Variants in PRMT3 observed in about 807,000 individuals in gnomAD.
PRMT3 encodes protein arginine methyltransferase 3.
In PRMT3, 62 loss-of-function variants were observed where a neutral mutation model predicts 71.9. That is an observed-to-expected ratio of 0.86 (90% CI 0.70 to 1.07). The LOEUF is 1.07. Ranked by LOEUF, PRMT3 falls within the 50% of genes least tolerant of loss-of-function variation. The pLI is 0.00. For synonymous variants in PRMT3, 213 were observed against 220.4 expected, an observed-to-expected ratio of 0.97 and a Z score of 0.30; for missense variants, 663 against 643.0, an observed-to-expected ratio of 1.03 and a Z score of -0.34.
At chr11:20,393,354 G>A (rs1375277028) in intron 5 of PRMT3, among the ~76,000 whole-genome samples, 2 of 152,164 alleles carry the variant, frequency 1.3e-5, no homozygotes, top group Non-Finnish European at 1.5e-5. Context: ...GGTTGAGGCA[G>A]GAGAATCACT....
In PRMT3 at chr11:20,494,273, G is replaced by A; in HGVS notation, c.1486+19G>A. 1 of 1,509,040 alleles carries A rather than the reference G, an allele frequency of 6.6e-7. No homozygotes were observed. The highest frequency in any genetic ancestry group is 9.2e-7 in the Non-Finnish European group (1 of 1,088,212). 93.5% of individuals were successfully genotyped at this position (1,509,040 alleles called of 1,614,324 possible). A position where few individuals can be genotyped will look rare whatever the true frequency, so the allele number is the denominator to read the frequency against. ...AAAGCAGGTGAGAAAGAATAGTAGG[G>A]GGGAAGTATCTTATTCATTCTGAAG... On this transcript the variant is annotated intron_variant, in intron 15 of 15. Transcript: ENST00000331079.
At chr11:20,464,916 G>GAA (rs1850473111) in intron 13 of PRMT3, among the ~76,000 whole-genome samples, 1 of 152,034 alleles carries the variant, frequency 6.6e-6, no homozygotes, top group Admixed American at 6.6e-5. Flanking sequence ...TTATTTGGTA[G>GAA]AATATTTTAT....
At chr11:20,466,052 G>A (rs1410788913) in intron 13 of PRMT3, among the ~76,000 whole-genome samples, 1 of 152,176 alleles carries the variant, frequency 6.6e-6, no homozygotes. Context: ...TAGAGCAGAT[G>A]TAAAACTCTA....
intron 15 of PRMT3, among the ~76,000 whole-genome samples, chr11:20,495,434 G>C (rs1851310249): frequency 6.6e-6 from 1 of 152,112 alleles, no homozygotes; most frequent in South Asian, 2.1e-4. Context: ...GCTGAGGCAG[G>C]AGGCTTGCTT....
At chr11:20,398,166 T>G (rs1032109431) in intron 7 of PRMT3, among the ~76,000 whole-genome samples, 30 of 152,054 alleles carry the variant, frequency 2.0e-4, no homozygotes, top group African/African-American at 6.8e-4. Flanking sequence ...ATAGGAACAA[T>G]TAGATGGATT....
chr11:20,433,820 A>G (rs766617369), intron 10 of PRMT3, among the ~76,000 whole-genome samples: 11 of 152,058 alleles, frequency 7.2e-5, no homozygotes, highest in Non-Finnish European at 1.3e-4. Flanking sequence ...AGGTTTCACC[A>G]TGTTGGCCAG....
chr11:20,460,500 T>C (rs940019720), intron 11 of PRMT3, among the ~76,000 whole-genome samples: 7 of 152,316 alleles, frequency 4.6e-5, no homozygotes, highest in Middle Eastern at 3.4e-3. Context: ...GGCTCCAGCT[T>C]CTCGGTCAAG....
Position 20,388,029 on chromosome 11 carries a change from C to A in PRMT3, c.39C>A (p.Gly13=), listed in dbSNP as rs982188365. 3.1e-6 allele frequency: 5 copies of A among 1,613,820 alleles called. No individual in the cohort carries two copies. Among genetic ancestry groups the A allele is most frequent in the Non-Finnish European group, 4.2e-6 (5 of 1,179,998 alleles). Residue 13 remains glycine (G), a synonymous_variant, in exon 2 of 16, where the codon GGC becomes GGA. Coordinates refer to ENST00000331079, the MANE Select transcript of PRMT3 (RefSeq NM_005788.4). Reference sequence around the variant, plus strand: ...GTGTGTGTGTGTTAGGCGGCCGGGGCGCTGTGGAGAATGAGGAGGACCTGC... The same window carrying A: ...GTGTGTGTGTGTTAGGCGGCCGGGGAGCTGTGGAGAATGAGGAGGACCTGC... The part of the protein sequence containing the change: ...SLASGATGGR[G]AVENEEDLPE...
At chr11:20,421,002 G>C (rs1166391030) in intron 9 of PRMT3, among the ~76,000 whole-genome samples, 3 of 152,144 alleles carry the variant, frequency 2.0e-5, no homozygotes, top group Non-Finnish European at 4.4e-5. Flanking sequence ...TCAAGATGCT[G>C]AATACGTAAT....
chr11:20,460,455 T>C (rs1850357728), intron 11 of PRMT3, among the ~76,000 whole-genome samples: 1 of 152,152 alleles, frequency 6.6e-6, no homozygotes, highest in Non-Finnish European at 1.5e-5. Context: ...CCTTAACTCA[T>C]GTAACACTTA....
intron 9 of PRMT3, among the ~76,000 whole-genome samples, chr11:20,413,524 G>A (rs1849238768): frequency 6.6e-6 from 1 of 152,026 alleles, no homozygotes; most frequent in Non-Finnish European, 1.5e-5. Context: ...AAAATGGCTG[G>A]CCCTGTAACT....
At chr11:20,463,208 C>A (rs949632673) in intron 12 of PRMT3, among the ~76,000 whole-genome samples, 1 of 152,188 alleles carries the variant, frequency 6.6e-6, no homozygotes, top group African/African-American at 2.4e-5. Context: ...ATATTTAGTA[C>A]ATATTTAATT....
intron 13 of PRMT3, among the ~76,000 whole-genome samples, chr11:20,485,679 A>G (rs997280066): frequency 6.6e-6 from 1 of 152,196 alleles, no homozygotes; most frequent in African/African-American, 2.4e-5. Flanking sequence ...AGGGAAGGGC[A>G]AGAAATAACG....
intron 11 of PRMT3, among the ~76,000 whole-genome samples, chr11:20,457,383 T>G (rs557529089): frequency 1.3e-5 from 2 of 152,336 alleles, no homozygotes; most frequent in East Asian, 3.9e-4. Context: ...GATTTCACAA[T>G]TAGACCTTAA....
intron 8 of PRMT3, 36 bp downstream of exon 8, chr11:20,403,020 C>T: frequency 1.4e-6 from 2 of 1,465,798 alleles, no homozygotes; most frequent in Non-Finnish European, 1.9e-6. Context: ...TACATTTCAT[C>T]TTGTTCTTGG....
chr11:20,405,790 G>T (rs542971183), intron 8 of PRMT3: 1 of 152,012 alleles, frequency 6.6e-6, no homozygotes, highest in Non-Finnish European at 1.5e-5. Context: ...TTACCCCCGT[G>T]TTTTTTCTTA....
At position 20,392,237 on chromosome 11, in the gene PRMT3, C is replaced by G; in HGVS notation, c.274C>G (p.Leu92Val). 6.4e-7 allele frequency: 1 copy of G among 1,564,002 alleles called. No homozygotes were observed. The highest frequency in any genetic ancestry group is 8.7e-7 in the Non-Finnish European group (1 of 1,148,170). Residue 92 changes from leucine to valine, a missense_variant, in exon 4 of 16, where the codon CTA (leucine) becomes GTA (valine). By Grantham distance (32) the Leu-to-Val change is conservative (BLOSUM62 1). Coordinates refer to ENST00000331079, the MANE Select transcript of PRMT3 (RefSeq NM_005788.4). The part of the protein sequence containing the change: ...HGLEFYGYIK[L>V]INFIRLKNPT... ...ACTTGAATTTTATGGATACATTAAG[C>G]TAATAAATTTTATTAGACTTAAGGT...
chr11:20,462,272 A>G, intron 12 of PRMT3, 105 bp downstream of exon 12: 1 of 912,710 alleles, frequency 1.1e-6, no homozygotes, highest in Non-Finnish European at 1.6e-6. Context: ...TCAAAACAGT[A>G]CTTTTCCCAT....
chr11:20,392,849 T>C, intron 4 of PRMT3, 48 bp from the exon 5 acceptor site: 1 of 1,204,068 alleles, frequency 8.3e-7, no homozygotes, highest in Non-Finnish European at 1.2e-6. Context: ...TAAGGGGATT[T>C]TGTGATTATA....
Sources: allele counts gnomAD v4.1 joint callset (sites outside exome capture counted in the v4.1 genomes callset), GRCh38; gene constraint gnomAD v4.1.1; transcripts MANE v1.5; gene names NCBI Gene and HGNC (gene_info 2026-07-23, HGNC 2026-07-21).